DENR: variants seen among roughly 807,000 people sequenced by gnomAD.
DENR encodes the protein density regulated re-initiation and release factor, also known as density-regulated protein.
In DENR, 6 loss-of-function variants were observed where a neutral mutation model predicts 30.6. The ratio of observed to expected loss-of-function variants is 0.20; its 90% confidence interval spans 0.11 to 0.39. DENR has a LOEUF of 0.39. DENR is among the 10% of genes least tolerant of loss of function. The pLI is 1.00. For synonymous variants in DENR, 78 were observed against 72.1 expected, an observed-to-expected ratio of 1.08 and a Z score of -0.41; for missense variants, 141 against 230.9, an observed-to-expected ratio of 0.61 and a Z score of 2.52.
chr12:122,767,656 G>C (rs987611343), intron 6 of DENR, 52 bp downstream of exon 6: 3 of 1,068,752 alleles, frequency 2.8e-6, no homozygotes, highest in Non-Finnish European at 4.0e-6. Flanking sequence ...TTCTCTCTCT[G>C]TCTCCCTCTA....
At position 122,765,310 on chromosome 12, in the gene DENR, C is replaced by A; in HGVS notation, c.218C>A (p.Ser73Ter). ...ATTTCACTTTTATATCTAGAAAATT[C>A]ACCCAAACAAGAAGCTGGAATTAGT... ...NEFAKLTVENSPKQEAGISEG... is the reference protein window; with the variant it reads ...NEFAKLTVEN The change falls in exon 5 of 8, where the codon TCA (serine) becomes TAA (stop). Residue 73 changes from serine (S) to a stop codon, truncating the protein, a stop_gained. Transcript: ENST00000280557. LOFTEE classifies it high-confidence loss of function. The A allele has an allele frequency of 1.9e-6, 3 of 1,550,686 alleles. No homozygotes were observed. The highest frequency in any genetic ancestry group is 2.6e-6 in the Non-Finnish European group (3 of 1,146,562).
chr12:122,763,537 T>A (rs1427287620), intron 4 of DENR, among the ~76,000 whole-genome samples: 1 of 151,952 alleles, frequency 6.6e-6, no homozygotes, highest in South Asian at 2.1e-4. Context: ...GAAACCCTGT[T>A]TCTACTAAAA....
chr12:122,762,138 G>A (rs748392754), intron 2 of DENR, 49 bp from the exon 3 acceptor site: 2 of 1,249,276 alleles, frequency 1.6e-6, no homozygotes, highest in South Asian at 2.9e-5. Context: ...GTGTATGTGT[G>A]TACATATAGG....
intron 2 of DENR, among the ~76,000 whole-genome samples, chr12:122,754,748 A>G (rs1450866757): frequency 1.3e-5 from 2 of 152,198 alleles, no homozygotes; most frequent in African/African-American, 4.8e-5. Flanking sequence ...TGAGCAGGAA[A>G]ATAAAGTGAC....
chr12:122,768,716 A>G, intron 6 of DENR, 66 bp from the exon 7 acceptor site: 1 of 1,402,236 alleles, frequency 7.1e-7, no homozygotes, highest in Non-Finnish European at 9.5e-7. Flanking sequence ...TTAAATTTCA[A>G]AATGGAAAAA....
chr12:122,757,831 G>A (rs1260537421), intron 2 of DENR, among the ~76,000 whole-genome samples: 1 of 152,172 alleles, frequency 6.6e-6, no homozygotes, highest in African/African-American at 2.4e-5. Flanking sequence ...AGGAGGAAGT[G>A]CCTGAAATGG....
At chr12:122,762,963 G>A in intron 4 of DENR, 34 bp downstream of exon 4, 3 of 1,223,976 alleles carry the variant, frequency 2.5e-6, no homozygotes, top group Non-Finnish European at 3.5e-6. Flanking sequence ...TTAAACTTCT[G>A]TACCTGAGAC....
At chr12:122,762,261 T>C in intron 3 of DENR, 55 bp downstream of exon 3, 2 of 1,203,206 alleles carry the variant, frequency 1.7e-6, no homozygotes, top group East Asian at 5.3e-5. Flanking sequence ...TTCTTGGTTT[T>C]AAAGCTACCT....
Position 122,767,529 on chromosome 12 carries a change from CA to C in DENR, c.341del (p.Lys114ArgfsTer4). 1 of 1,594,724 alleles carries C rather than the reference CA, an allele frequency of 6.3e-7. No homozygotes were observed. The highest frequency in any genetic ancestry group is 8.5e-7 in the Non-Finnish European group (1 of 1,171,044). On this transcript the variant is annotated frameshift_variant, in exon 6 of 8. Coordinates refer to ENST00000280557, the MANE Select transcript of DENR (RefSeq NM_003677.5). LOFTEE classifies it high-confidence loss of function. ...QIKQKKKTVP[Q>X]KVTIAKIPRA... ...AAAACAAAAAAAGAAGACCGTACCA[CA>C]AAAGGTTACTATAGCCAAAATTCCC... is the stretch of plus-strand genomic sequence containing the variant.
intron 5 of DENR, among the ~76,000 whole-genome samples, chr12:122,766,203 TC>T (rs1293218516): frequency 6.6e-6 from 1 of 152,156 alleles, no homozygotes; most frequent in Non-Finnish European, 1.5e-5. Context: ...TAACCTGACT[TC>T]CTGGCCACTG....
intron 5 of DENR, among the ~76,000 whole-genome samples, chr12:122,766,835 T>C (rs1372710629): frequency 1.3e-5 from 2 of 152,184 alleles, no homozygotes; most frequent in African/African-American, 4.8e-5. Flanking sequence ...CGCAAGAGCC[T>C]CTGTAGGGGC....
In DENR at chr12:122,762,489, T is replaced by G. The variant is rs1464601740; in HGVS notation, c.126+283T>G. Reference sequence around the variant, plus strand: ...GCTAATAAAATAAGAGTAACCTTAATGCCAAAATCTATACAAATGAGCAGA... The same window carrying G: ...GCTAATAAAATAAGAGTAACCTTAAGGCCAAAATCTATACAAATGAGCAGA... On this transcript the variant is annotated intron_variant, in intron 3 of 7. Coordinates refer to ENST00000280557, the MANE Select transcript of DENR (RefSeq NM_003677.5). Among the ~76,000 whole-genome samples the G allele has an allele frequency of 2.0e-5, 3 of 152,312 alleles. No individual in the cohort carries two copies. The East Asian group carries it at 5.8e-4, about 29-fold the overall frequency.
intron 2 of DENR, among the ~76,000 whole-genome samples, chr12:122,760,407 A>G (rs1289704168): frequency 6.6e-6 from 1 of 152,168 alleles, no homozygotes; most frequent in Non-Finnish European, 1.5e-5. Flanking sequence ...GATATTGGAC[A>G]CACTGAACTA....
rs572848529 is a variant in DENR, at chr12:122,769,525, T to C, written c.*447T>C. On this transcript the variant is annotated 3_prime_UTR_variant, in exon 8 of 8. Coordinates refer to ENST00000280557, the MANE Select transcript of DENR (RefSeq NM_003677.5). ...CTCTCTCTCTCTCTCTTTTTTTTTT[T>C]TGACAGAGTCTCGCACTGTTGCCTG... is the stretch of plus-strand genomic sequence containing the variant. 1 of 958,240 alleles carries C rather than the reference T, an allele frequency of 1.0e-6. No individual in the cohort carries two copies. The highest frequency in any genetic ancestry group is 1.8e-5 in the African/African-American group (1 of 56,534). The allele number at this position is 958,240 out of a possible 1,614,324, so 59.4% of individuals were successfully genotyped here. A position where few individuals can be genotyped will look rare whatever the true frequency, so the allele number is the denominator to read the frequency against.
intron 4 of DENR, among the ~76,000 whole-genome samples, chr12:122,764,967 G>A (rs1311543072): frequency 6.6e-6 from 1 of 152,136 alleles, no homozygotes; most frequent in Non-Finnish European, 1.5e-5. Flanking sequence ...TGAGCGGGTG[G>A]GGAGCTCTTC....
At position 122,770,828 on chromosome 12, in the gene DENR, G is replaced by C; in HGVS notation, c.*1750G>C. The C allele has an allele frequency of 2.5e-6, 1 of 396,824 alleles. No homozygotes were observed. The highest frequency in any genetic ancestry group is 4.4e-6 in the Non-Finnish European group (1 of 225,720). 24.6% of individuals were successfully genotyped at this position (396,824 alleles called of 1,614,324 possible). A position where few individuals can be genotyped will look rare whatever the true frequency, so the allele number is the denominator to read the frequency against. On this transcript the variant is annotated 3_prime_UTR_variant, in exon 8 of 8. Coordinates refer to ENST00000280557, the MANE Select transcript of DENR (RefSeq NM_003677.5). ...AAAAATGGAATTCTCCATTAACTGT[G>C]GATTTTACTAAATAGAATTACTGGT...
intron 2 of DENR, 30 bp from the exon 3 acceptor site, chr12:122,762,157 T>C (rs1382937223): frequency 1.2e-5 from 17 of 1,389,630 alleles, no homozygotes; most frequent in Non-Finnish European, 1.7e-5. Context: ...GGTTTAACAT[T>C]TCAAATCTTT....
chr12:122,769,289 T>TATGTATACATATATACACAC lies in DENR; in HGVS notation c.*213_*214insGTATACATATATACACACAT, dbSNP rs1566061630. 1.3e-6 allele frequency: 1 copy of TATGTATACATATATACACAC among 798,768 alleles called. No homozygotes were observed. Among genetic ancestry groups the TATGTATACATATATACACAC allele is most frequent in the African/African-American group, 2.9e-5 (1 of 34,988 alleles). 49.5% of individuals were successfully genotyped at this position (798,768 alleles called of 1,614,324 possible). On this transcript the variant is annotated 3_prime_UTR_variant, in exon 8 of 8. Coordinates refer to ENST00000280557, the MANE Select transcript of DENR (RefSeq NM_003677.5). Reference sequence around the variant, plus strand: ...ACATATATGTATACATATATACACATATATGTATACATATATACACATATG... The same window carrying TATGTATACATATATACACAC: ...ACATATATGTATACATATATACACATATGTATACATATATACACACATATGTATACATATATACACATATG...
chr12:122,761,453 T>TA (rs1878698337), intron 2 of DENR, among the ~76,000 whole-genome samples: 1 of 151,514 alleles, frequency 6.6e-6, no homozygotes, highest in Non-Finnish European at 1.5e-5. Flanking sequence ...AAGATGGTAG[T>TA]AAAAATGCTG....
Sources: gnomAD v4.1 joint callset for allele counts (sites outside exome capture counted in the v4.1 genomes callset) on GRCh38, gnomAD v4.1.1 for gene constraint, MANE v1.5 for transcripts, NCBI Gene and HGNC (gene_info 2026-07-23, HGNC 2026-07-21) for gene names.